BCR: variants seen among roughly 807,000 people sequenced by gnomAD.
BCR encodes breakpoint cluster region protein.
In BCR, 58 loss-of-function variants were observed where a neutral mutation model predicts 138.6. The observed-to-expected ratio is 0.42, with a 90% CI of 0.34 to 0.52. BCR has a LOEUF of 0.52. Ranked by LOEUF, BCR falls within the 20% of genes least tolerant of loss-of-function variation. BCR has a pLI of 0.06. For missense variants in BCR, 1,599 were observed against 1,727.2 expected (o/e 0.93, Z 1.32); for synonymous variants, 786 against 730.1 (o/e 1.08, Z -1.23).
At chr22:23,296,715 G>A (rs1442786996) in intron 16 of BCR, among the ~76,000 whole-genome samples, 1 of 152,236 alleles carries the variant, frequency 6.6e-6, no homozygotes, top group African/African-American at 2.4e-5. Context: ...GCTGAAGCGA[G>A]AGGATTGCTT....
In BCR at chr22:23,181,812, C is replaced by T. The variant is rs748874643; in HGVS notation, c.852C>T (p.Val284=). 16 of 1,610,564 alleles carry T rather than the reference C, an allele frequency of 9.9e-6. No individual in the cohort carries two copies. The South Asian group carries it at 1.4e-4, about 14-fold the overall frequency. The stretch of plus-strand genomic sequence containing the variant: ...ACCAGCCCTACCAGAGCATCTACGT[C>T]GGGGGCATGATGGAAGGGGAGGGCA... ...LEYQPYQSIY[V]GGMMEGEGKG... The change falls in exon 1 of 23, where the codon GTC becomes GTT. Residue 284 remains valine, a synonymous_variant. Coordinates refer to ENST00000305877, the MANE Select transcript of BCR (RefSeq NM_004327.4).
chr22:23,220,523 G>A lies in BCR; in HGVS notation c.1280-33276G>A, dbSNP rs114268761. 8.5e-3 allele frequency among the ~76,000 whole-genome samples: 1,300 copies of A among 152,324 alleles called. 17 individuals are homozygous for A. The highest frequency in any genetic ancestry group is 0.03 in the African/African-American group (1,242 of 41,562). ...AATCCCTGAGCCCAGCCCCACCCAG[G>A]CTTGGTCTGCTAGGGGAGGTGGAAG... is the stretch of plus-strand genomic sequence containing the variant. On this transcript the variant is annotated intron_variant, in intron 1 of 22. Transcript: ENST00000305877.
intron 1 of BCR, among the ~76,000 whole-genome samples, chr22:23,211,730 A>G (rs2072686303): frequency 6.6e-6 from 1 of 151,720 alleles, no homozygotes; most frequent in Admixed American, 6.6e-5. Flanking sequence ...GGCTGGTTGT[A>G]AACTCCTAAC....
chr22:23,184,267 T>G (rs923637632), intron 1 of BCR, among the ~76,000 whole-genome samples: 1 of 152,050 alleles, frequency 6.6e-6, no homozygotes, highest in Non-Finnish European at 1.5e-5. Context: ...TAATTTTTTT[T>G]TTTTGTAAAT....
At chr22:23,257,430 G>A (rs751106150) in intron 2 of BCR, among the ~76,000 whole-genome samples, 1 of 152,220 alleles carries the variant, frequency 6.6e-6, no homozygotes, top group Non-Finnish European at 1.5e-5. Context: ...ACTGGGTGGG[G>A]CTGTCATGGG....
chr22:23,247,244 G>A (rs987514964), intron 1 of BCR, among the ~76,000 whole-genome samples: 9 of 152,186 alleles, frequency 5.9e-5, no homozygotes, highest in African/African-American at 2.2e-4. Context: ...TTTGATGTCC[G>A]CCTCTGTGAA....
At chr22:23,202,659 A>G (rs1032638821) in intron 1 of BCR, among the ~76,000 whole-genome samples, 4 of 151,742 alleles carry the variant, frequency 2.6e-5, no homozygotes, top group Non-Finnish European at 4.4e-5. Context: ...CTCAAAGTTC[A>G]TCTGTGTTTT....
intron 4 of BCR, among the ~76,000 whole-genome samples, chr22:23,265,672 A>AT (rs2073433061): frequency 1.3e-5 from 2 of 152,216 alleles, no homozygotes; most frequent in African/African-American, 4.8e-5. Flanking sequence ...AACTGTAAGA[A>AT]TGGGGCAAAG....
chr22:23,274,199 A>G (rs1162542548), intron 8 of BCR, among the ~76,000 whole-genome samples: 3 of 152,264 alleles, frequency 2.0e-5, no homozygotes, highest in South Asian at 2.1e-4. Flanking sequence ...AACAGTTAAC[A>G]TCGGGTTTAA....
intron 12 of BCR, among the ~76,000 whole-genome samples, chr22:23,288,937 C>T (rs922691853): frequency 2.6e-5 from 4 of 152,216 alleles, no homozygotes; most frequent in Non-Finnish European, 5.9e-5. Context: ...GCTCATCATT[C>T]TCACCTATGC....
chr22:23,258,806 C>T (rs2073324537), intron 2 of BCR, among the ~76,000 whole-genome samples: 1 of 152,240 alleles, frequency 6.6e-6, no homozygotes, highest in Admixed American at 6.5e-5. Flanking sequence ...AGAAGCCTGC[C>T]CGCAGCCAGT....
At position 23,181,248 on chromosome 22, in the gene BCR, C is replaced by T. The variant is rs1397729551; in HGVS notation, c.288C>T (p.Arg96=). Residue 96 remains arginine, a synonymous_variant, in exon 1 of 23, where the codon CGC becomes CGT. Coordinates refer to ENST00000305877, the MANE Select transcript of BCR (RefSeq NM_004327.4). ...CCGAGCCCCGAGCGTCCGCGTCGCG[C>T]CCGCAGCCAGCGCCCGCCGACGGAG... ...GASEPRASAS[R]PQPAPADGAD... 1.7e-5 allele frequency: 21 copies of T among 1,242,804 alleles called. No individual in the cohort carries two copies. The East Asian group carries it at 3.8e-4, about 23-fold the overall frequency. The allele number at this position is 1,242,804 out of a possible 1,614,324, so 77.0% of individuals were successfully genotyped here.
In BCR at chr22:23,314,542, T is replaced by G; in HGVS notation, c.3564-10T>G. On this transcript the variant is annotated splice_polypyrimidine_tract_variant and intron_variant, in intron 21 of 22. Coordinates refer to ENST00000305877, the MANE Select transcript of BCR (RefSeq NM_004327.4). ...GTTGAAACAGCACCCGCTGCTTTGG[T>G]CCTCTACAGGGTGGCAGAGAAGGAG... The G allele has an allele frequency of 6.2e-7, 1 of 1,611,906 alleles. No homozygotes were observed. Among genetic ancestry groups the G allele is most frequent in the Non-Finnish European group, 8.5e-7 (1 of 1,179,826 alleles).
intron 1 of BCR, among the ~76,000 whole-genome samples, chr22:23,229,042 T>A (rs2072923450): frequency 6.6e-6 from 1 of 152,192 alleles, no homozygotes; most frequent in Non-Finnish European, 1.5e-5. Context: ...GAGGTTTTAT[T>A]CCATTTTTCT....
intron 1 of BCR, among the ~76,000 whole-genome samples, chr22:23,246,408 T>C (rs2073157431): frequency 7.2e-5 from 11 of 152,166 alleles, no homozygotes; most frequent in Admixed American, 6.5e-4. Flanking sequence ...CTGATGGACA[T>C]TTGGATTGTT....
rs375042817 is a variant in BCR, at chr22:23,268,512, C to T, written c.1857C>T (p.Ser619=). ...CQANAQFAEI[S]ENLRARSNKD... Reference sequence around the variant, plus strand: ...CCAATGCTCAGTTTGCAGAAATCTCCGAGGTAATGCCTTGATGCCGTTCAG... The same window carrying T: ...CCAATGCTCAGTTTGCAGAAATCTCTGAGGTAATGCCTTGATGCCGTTCAG... The change falls in exon 5 of 23, where the codon TCC becomes TCT. Residue 619 remains serine (S), a synonymous_variant. Coordinates refer to ENST00000305877, the MANE Select transcript of BCR (RefSeq NM_004327.4). 20 of 1,612,770 alleles carry T rather than the reference C, an allele frequency of 1.2e-5. No individual in the cohort carries two copies. Among genetic ancestry groups the T allele is most frequent in the South Asian group, 2.2e-5 (2 of 90,862 alleles).
At chr22:23,295,232 G>A (rs2073832692) in intron 16 of BCR, 77 bp downstream of exon 16, 6 of 1,539,814 alleles carry the variant, frequency 3.9e-6, no homozygotes, top group Non-Finnish European at 5.3e-6. Flanking sequence ...ACACTGAGAT[G>A]GTCATGGCCT....
intron 5 of BCR, among the ~76,000 whole-genome samples, chr22:23,269,266 C>T (rs2073481875): frequency 6.6e-6 from 1 of 152,242 alleles, no homozygotes. Context: ...CTGTGTCTGC[C>T]TGGTGGTCAC....
intron 21 of BCR, 66 bp from the exon 22 acceptor site, chr22:23,314,486 C>T: frequency 2.5e-6 from 4 of 1,577,150 alleles, no homozygotes; most frequent in Non-Finnish European, 3.5e-6. Context: ...CCAGCACAGC[C>T]CAGCCCCTCT....
Sources: allele counts gnomAD v4.1 joint callset (sites outside exome capture counted in the v4.1 genomes callset), GRCh38; gene constraint gnomAD v4.1.1; transcripts MANE v1.5; gene names NCBI Gene and HGNC (gene_info 2026-07-23, HGNC 2026-07-21).